The following SLC44A5 variants were observed in gnomAD, a reference collection of about 807,000 sequenced individuals.
SLC44A5 encodes the protein choline transporter-like protein 5.
Under a neutral mutation model 101.8 loss-of-function variants are expected in SLC44A5, and 57 were observed. The ratio of observed to expected loss-of-function variants is 0.56; its 90% CI spans 0.45 to 0.70. The LOEUF is 0.70. Ranked by LOEUF, SLC44A5 falls within the 30% of genes least tolerant of loss-of-function variation. The pLI, the probability that SLC44A5 is intolerant of heterozygous loss-of-function variation, is 0.00. For missense variants in SLC44A5, 737 were observed against 853.1 expected, an observed-to-expected ratio of 0.86 and a Z score of 1.70; for synonymous variants, 281 against 290.9, an observed-to-expected ratio of 0.97 and a Z score of 0.35.
intron 1 of SLC44A5, among the ~76,000 whole-genome samples, chr1:75,584,456 G>A (rs146310848): frequency 8.4e-4 from 128 of 152,270 alleles, no homozygotes; most frequent in Non-Finnish European, 1.4e-3. Context: ...ATTTCTACTA[G>A]CTAATTAGAA....
In SLC44A5 at chr1:75,470,580, C is replaced by T. The variant is rs1667052190; in HGVS notation, c.13+70855G>A. On this transcript the variant is annotated intron_variant, in intron 2 of 23. Coordinates refer to ENST00000370859, the MANE Select transcript of SLC44A5 (RefSeq NM_001130058.2). ...GAAGCACGCAGGAGGGGCCATAACC[C>T]AGACGTGAGGGGGAGGGAATGTTAC... Among the ~76,000 whole-genome samples the T allele has an allele frequency of 3.3e-5, 5 of 152,132 alleles. No individual in the cohort carries two copies. In the South Asian group the frequency reaches 1.0e-3, roughly 31 times the overall value.
chr1:75,711,746 C>T, the SLC44A5 span, among the ~76,000 whole-genome samples: 1 of 152,142 alleles, frequency 6.6e-6, no homozygotes, highest in Non-Finnish European at 1.5e-5. Context: ...CTTGTTTGTC[C>T]TCAAAGCATC....
chr1:75,684,241 G>A, the SLC44A5 span, among the ~76,000 whole-genome samples: 1 of 152,110 alleles, frequency 6.6e-6, no homozygotes, highest in African/African-American at 2.4e-5. Flanking sequence ...TGACACATGG[G>A]GATTATTACA....
At chr1:75,229,094 G>A (rs1647332291) in intron 12 of SLC44A5, among the ~76,000 whole-genome samples, 1 of 151,116 alleles carries the variant, frequency 6.6e-6, no homozygotes, top group African/African-American at 2.4e-5. Flanking sequence ...TCCTTCTTCT[G>A]TCTCTCATAG....
At position 75,365,855 on chromosome 1, in the gene SLC44A5, T is replaced by A. The variant is rs566889001; in HGVS notation, c.53-26225A>T. Among the ~76,000 whole-genome samples the A allele has an allele frequency of 2.6e-5, 4 of 152,308 alleles. No homozygotes were observed. The South Asian group carries it at 6.2e-4, about 24-fold the overall frequency. ...GGGGGTTAAATGTATATCTTATAGTTATAACAGTCTATTTTAAGCTGATAG... is the reference window on the plus strand; with the variant it reads ...GGGGGTTAAATGTATATCTTATAGTAATAACAGTCTATTTTAAGCTGATAG... On this transcript the variant is annotated intron_variant, in intron 3 of 23. Transcript: ENST00000370859.
At chr1:75,671,014 C>A in the SLC44A5 span, among the ~76,000 whole-genome samples, 1 of 152,136 alleles carries the variant, frequency 6.6e-6, no homozygotes, top group Admixed American at 6.6e-5. Flanking sequence ...TAGGGAAGCA[C>A]CAAGGTCACT....
intron 2 of SLC44A5, among the ~76,000 whole-genome samples, chr1:75,453,530 A>G (rs543674247): frequency 1.3e-5 from 2 of 152,224 alleles, no homozygotes; most frequent in East Asian, 3.9e-4. Flanking sequence ...AGAAATAACT[A>G]AAATCAGAGA....
Position 75,346,824 on chromosome 1 carries a change from C to G in SLC44A5, c.53-7194G>C, listed in dbSNP as rs146812701. ...TACATTGAAACAATTCCTTATTTTC[C>G]TCTAGTTTCAAAGGTTATGCAATTC... On this transcript the variant is annotated intron_variant, in intron 3 of 23. Transcript: ENST00000370859. Among the ~76,000 whole-genome samples, 329 of 152,106 alleles carry G rather than the reference C, an allele frequency of 2.2e-3. 3 individuals carry two copies. Among genetic ancestry groups the G allele is most frequent in the African/African-American group, 7.5e-3 (313 of 41,500 alleles).
At chr1:75,717,414 A>C in the SLC44A5 span, among the ~76,000 whole-genome samples, 1 of 152,078 alleles carries the variant, frequency 6.6e-6, no homozygotes, top group African/African-American at 2.4e-5. Context: ...GAACATTGAG[A>C]GTACACATGG....
chr1:75,406,039 G>A (rs961313206), intron 2 of SLC44A5, among the ~76,000 whole-genome samples: 4 of 152,058 alleles, frequency 2.6e-5, no homozygotes, highest in Non-Finnish European at 5.9e-5. Flanking sequence ...TATCACCACC[G>A]ATTCCACAGA....
intron 4 of SLC44A5, among the ~76,000 whole-genome samples, chr1:75,330,075 T>C (rs1656901545): frequency 6.6e-6 from 1 of 150,840 alleles, no homozygotes; most frequent in South Asian, 2.1e-4. Context: ...GCTAGAATAA[T>C]ATTCTGTGTG....
chr1:75,307,778 G>T (rs866043729), intron 4 of SLC44A5, among the ~76,000 whole-genome samples: 1 of 152,102 alleles, frequency 6.6e-6, no homozygotes, highest in Non-Finnish European at 1.5e-5. Flanking sequence ...CACAGCTTGA[G>T]GTTATGCCGC....
the SLC44A5 span, among the ~76,000 whole-genome samples, chr1:75,690,861 C>T: frequency 4.6e-5 from 7 of 152,170 alleles, no homozygotes; most frequent in African/African-American, 1.7e-4. Context: ...GTTGCAATGG[C>T]TCATGCCAGT....
At chr1:75,496,726 A>G (rs1352147408) in intron 2 of SLC44A5, among the ~76,000 whole-genome samples, 1 of 152,072 alleles carries the variant, frequency 6.6e-6, no homozygotes, top group African/African-American at 2.4e-5. Flanking sequence ...ATTCCAAACC[A>G]TATATCTAAT....
intron 1 of SLC44A5, among the ~76,000 whole-genome samples, chr1:75,543,322 G>A (rs1570574530): frequency 6.6e-6 from 1 of 151,926 alleles, no homozygotes; most frequent in Admixed American, 6.6e-5. Context: ...TTTGCCTGGA[G>A]TACTCTCTCA....
At chr1:75,505,243 T>A (rs1367378341) in intron 2 of SLC44A5, among the ~76,000 whole-genome samples, 1 of 152,194 alleles carries the variant, frequency 6.6e-6, no homozygotes, top group African/African-American at 2.4e-5. Context: ...TATTCACATT[T>A]TCTGTATTCA....
chr1:75,452,596 A>G (rs983186764), intron 2 of SLC44A5, among the ~76,000 whole-genome samples: 1 of 150,378 alleles, frequency 6.6e-6, no homozygotes, highest in African/African-American at 2.5e-5. Flanking sequence ...GTTAAAAGGC[A>G]AAGAGTGGCA....
chr1:75,678,020 G>C, the SLC44A5 span, among the ~76,000 whole-genome samples: 2 of 152,198 alleles, frequency 1.3e-5, no homozygotes, highest in South Asian at 4.1e-4. Context: ...CAGGAAAATT[G>C]GGTCACTCCC....
the SLC44A5 span, among the ~76,000 whole-genome samples, chr1:75,722,584 A>C: frequency 6.6e-6 from 1 of 152,186 alleles, no homozygotes; most frequent in African/African-American, 2.4e-5. Flanking sequence ...CCTGTGATCA[A>C]TTAAGCAGCT....
Sources: gnomAD v4.1 joint callset for allele counts (sites outside exome capture counted in the v4.1 genomes callset) on GRCh38, gnomAD v4.1.1 for gene constraint, MANE v1.5 for transcripts, NCBI Gene and HGNC (gene_info 2026-07-23, HGNC 2026-07-21) for gene names.